CTNNA3: variants seen among roughly 807,000 people sequenced by gnomAD.
CTNNA3 encodes catenin alpha 3.
In CTNNA3, 76 loss-of-function variants were observed where a neutral mutation model predicts 95.7. The ratio of observed to expected loss-of-function variants is 0.79; its 90% CI spans 0.66 to 0.96. The LOEUF is 0.96. Ranked by LOEUF, CTNNA3 falls within the 40% of genes least tolerant of loss-of-function variation. The pLI, the probability that CTNNA3 is intolerant of heterozygous loss-of-function variation, is 0.00. For synonymous variants in CTNNA3, 431 were observed against 374.4 expected, an observed-to-expected ratio of 1.15 and a Z score of -1.74; for missense variants, 1,191 against 1,089.8, an observed-to-expected ratio of 1.09 and a Z score of -1.31.
chr10:67,464,554 C>G (rs1589317726), intron 5 of CTNNA3, among the ~76,000 whole-genome samples: 1 of 152,210 alleles, frequency 6.6e-6, no homozygotes, highest in East Asian at 1.9e-4. Context: ...AGTATTAAAC[C>G]TCTTTGAAGA....
At chr10:67,586,440 T>A (rs1473175497) in intron 3 of CTNNA3, among the ~76,000 whole-genome samples, 1 of 151,958 alleles carries the variant, frequency 6.6e-6, no homozygotes, top group Non-Finnish European at 1.5e-5. Context: ...CATATTGCTG[T>A]CTCTCTCTCT....
intron 7 of CTNNA3, among the ~76,000 whole-genome samples, chr10:66,840,356 TCTCTCTCTCTCTCTCTCACACACACACA>T (rs1843015363): frequency 8.1e-6 from 1 of 123,074 alleles, no homozygotes; most frequent in African/African-American, 3.9e-5. Context: ...TCTCTCTCTC[TCTCTCTCTCTCTCTCTCACACACACACA>T]CACACACACA....
At chr10:67,193,292 C>A (rs1904651) in intron 6 of CTNNA3, among the ~76,000 whole-genome samples, 55,556 of 151,746 alleles carry the variant, frequency 0.37, 14,563 homozygotes, top group African/African-American at 0.75. Flanking sequence ...TAATATATAC[C>A]TTCTTTGTCA....
intron 6 of CTNNA3, among the ~76,000 whole-genome samples, chr10:67,214,780 G>A (rs1321469728): frequency 6.6e-6 from 1 of 151,916 alleles, no homozygotes; most frequent in East Asian, 1.9e-4. Flanking sequence ...TAACATTCAT[G>A]TTTAAGAACT....
chr10:66,774,984 TA>T (rs1840236429), intron 8 of CTNNA3, among the ~76,000 whole-genome samples: 1 of 152,222 alleles, frequency 6.6e-6, no homozygotes, highest in Non-Finnish European at 1.5e-5. Context: ...GTCTCTGAAT[TA>T]CTTACTAGTT....
At chr10:66,483,872 A>G (rs1348223115) in intron 11 of CTNNA3, among the ~76,000 whole-genome samples, 2 of 152,154 alleles carry the variant, frequency 1.3e-5, no homozygotes, top group Non-Finnish European at 2.9e-5. Flanking sequence ...TTAAAAGAAG[A>G]GAAAAAAACT....
intron 13 of CTNNA3, among the ~76,000 whole-genome samples, chr10:66,236,845 T>C (rs2089876709): frequency 6.9e-6 from 1 of 145,094 alleles, no homozygotes; most frequent in Admixed American, 6.7e-5. Flanking sequence ...CCAGGCATGG[T>C]GGCTCACACC....
In CTNNA3 at chr10:65,966,640, T is replaced by C; in HGVS notation, c.2372A>G (p.Asn791Ser). ...ICSQVKAEIQNLGGELIMSAL... is the reference protein window; with the variant it reads ...ICSQVKAEIQSLGGELIMSAL... Reference sequence around the variant, plus strand: ...TGACATGATGAGCTCTCCTCCCAGGTTCTGGATCTCAGCTTTAACTTGACT... The same window carrying C: ...TGACATGATGAGCTCTCCTCCCAGGCTCTGGATCTCAGCTTTAACTTGACT... Residue 791 changes from asparagine (N) to serine (S), a missense_variant, in exon 17 of 18, where the codon AAC (asparagine) becomes AGC (serine). Physicochemically the swap from Asn to Ser is conservative, Grantham distance 46 (BLOSUM62 1). Transcript: ENST00000433211. The C allele has an allele frequency of 6.2e-7, 1 of 1,613,890 alleles. No individual in the cohort carries two copies. Among genetic ancestry groups the C allele is most frequent in the Non-Finnish European group, 8.5e-7 (1 of 1,179,848 alleles).
chr10:65,972,240 G>C (rs889859055), intron 16 of CTNNA3, among the ~76,000 whole-genome samples: 1 of 151,992 alleles, frequency 6.6e-6, no homozygotes, highest in Non-Finnish European at 1.5e-5. Flanking sequence ...ATCTCTACTT[G>C]AATGGGCTAA....
At chr10:67,227,101 T>C (rs1041438300) in intron 5 of CTNNA3, among the ~76,000 whole-genome samples, 1 of 151,592 alleles carries the variant, frequency 6.6e-6, no homozygotes, top group African/African-American at 2.4e-5. Context: ...TTTCTTTTTT[T>C]TTTTTTTGAG....
intron 12 of CTNNA3, among the ~76,000 whole-genome samples, chr10:66,328,717 C>T (rs1300868198): frequency 6.6e-6 from 1 of 151,126 alleles, no homozygotes; most frequent in Non-Finnish European, 1.5e-5. Flanking sequence ...CCACAATATG[C>T]CTTCTGCAGG....
chr10:65,948,291 A>G (rs1457143994), intron 17 of CTNNA3, among the ~76,000 whole-genome samples: 1 of 150,270 alleles, frequency 6.7e-6, no homozygotes. Flanking sequence ...AAAAAAAAAA[A>G]AAAAAAAAGA....
intron 7 of CTNNA3, among the ~76,000 whole-genome samples, chr10:66,829,524 A>G (rs1842636662): frequency 6.6e-6 from 1 of 151,774 alleles, no homozygotes; most frequent in Non-Finnish European, 1.5e-5. Flanking sequence ...GAGGCACAAG[A>G]ATTGCTTAAA....
chr10:66,544,938 C>A (rs955439460), intron 10 of CTNNA3, among the ~76,000 whole-genome samples: 1 of 152,070 alleles, frequency 6.6e-6, no homozygotes, highest in Non-Finnish European at 1.5e-5. Context: ...ATGTAACAAA[C>A]CATTATCTTC....
intron 5 of CTNNA3, among the ~76,000 whole-genome samples, chr10:67,226,924 C>T (rs575359501): frequency 1.3e-5 from 2 of 152,266 alleles, no homozygotes; most frequent in African/African-American, 4.8e-5. Context: ...GGCTTAAATG[C>T]TCGACTTAAA....
intron 9 of CTNNA3, among the ~76,000 whole-genome samples, chr10:66,745,755 A>ATTTTTTTTTTTTTTTTTTT (rs34185477): frequency 7.8e-6 from 1 of 128,212 alleles, no homozygotes; most frequent in Non-Finnish European, 1.6e-5. Context: ...ACACCTCGCT[A>ATTTTTTTTTTTTTTTTTTT]TTTTTTTTTT....
intron 2 of CTNNA3, among the ~76,000 whole-genome samples, chr10:67,624,231 A>G (rs1843947714): frequency 2.0e-5 from 3 of 152,088 alleles, no homozygotes; most frequent in African/African-American, 7.2e-5. Flanking sequence ...AAAAATAATT[A>G]CTTCTGGTCC....
At chr10:67,455,935 T>C (rs1847156380) in intron 5 of CTNNA3, among the ~76,000 whole-genome samples, 1 of 152,206 alleles carries the variant, frequency 6.6e-6, no homozygotes, top group African/African-American at 2.4e-5. Context: ...TGTTGGTTTA[T>C]TGGTTGTGAC....
chr10:66,616,778 T>C (rs1844530466), intron 10 of CTNNA3, among the ~76,000 whole-genome samples: 1 of 152,032 alleles, frequency 6.6e-6, no homozygotes, highest in African/African-American at 2.4e-5. Flanking sequence ...CTAAAATCAA[T>C]CTAGCCTATG....
Sources: allele counts gnomAD v4.1 joint callset (sites outside exome capture counted in the v4.1 genomes callset), GRCh38; gene constraint gnomAD v4.1.1; transcripts MANE v1.5; gene names NCBI Gene and HGNC (gene_info 2026-07-23, HGNC 2026-07-21).